The following ABCG2 variants were observed in gnomAD, a reference collection of about 807,000 sequenced individuals.
ABCG2 encodes the protein ATP binding cassette subfamily G member 2 (JR blood group), also known as broad substrate specificity ATP-binding cassette transporter ABCG2.
A neutral mutation model predicts 73.5 loss-of-function variants in ABCG2; 80 were observed. The ratio of observed to expected loss-of-function variants is 1.09; its 90% CI spans 0.91 to 1.31. The LOEUF (loss-of-function observed/expected upper bound fraction) is 1.31, where lower values mean the gene tolerates loss of function less well. Among genes scored for constraint, ABCG2 ranks in the 50% most tolerant of loss-of-function variants. ABCG2 has a pLI of 0.00. For missense variants in ABCG2, 796 were observed against 786.2 expected (o/e 1.01, Z -0.15); for synonymous variants, 269 against 282.4 (o/e 0.95, Z 0.48).
upstream of ABCG2, among the ~76,000 whole-genome samples, chr4:88,162,115 G>T (rs1314300606): frequency 6.6e-6 from 1 of 152,098 alleles, no homozygotes; most frequent in Non-Finnish European, 1.5e-5. Context: ...GGGGGGCTGA[G>T]GTGGAAGGAT....
chr4:88,170,070 C>T (rs964589785), intron 1 of ABCG2, among the ~76,000 whole-genome samples: 40 of 148,544 alleles, frequency 2.7e-4, no homozygotes, highest in African/African-American at 8.8e-4. Context: ...GAGATTGTGC[C>T]ACTGCACTCC....
At chr4:88,139,196 G>A (rs1725452491) in intron 2 of ABCG2, among the ~76,000 whole-genome samples, 1 of 150,476 alleles carries the variant, frequency 6.6e-6, no homozygotes, top group Admixed American at 6.6e-5. Flanking sequence ...AGTGCATCAA[G>A]TTACTCATCT....
At chr4:88,220,384 C>T (rs534177595) in intron 1 of ABCG2, among the ~76,000 whole-genome samples, 1 of 152,266 alleles carries the variant, frequency 6.6e-6, no homozygotes, top group East Asian at 1.9e-4. Context: ...GAGGAAGCAC[C>T]ATACTGTTCT....
chr4:88,131,619 A>T (rs1724881898), intron 4 of ABCG2, among the ~76,000 whole-genome samples, 184 bp downstream of exon 4: 1 of 152,238 alleles, frequency 6.6e-6, no homozygotes, highest in Admixed American at 6.5e-5. Flanking sequence ...TACAAGGGCC[A>T]TATTCCAGAT....
chr4:88,202,354 T>TTTTATATATATATATATATATATATA (rs1729209522), intron 1 of ABCG2, among the ~76,000 whole-genome samples: 10 of 62,080 alleles, frequency 1.6e-4, no homozygotes, highest in Non-Finnish European at 9.7e-5. Context: ...CTACAATTAT[T>TTTTATATATATATATATATATATATA]TATATATATA....
At chr4:88,134,001 A>C (rs981426938) in intron 2 of ABCG2, among the ~76,000 whole-genome samples, 20 of 151,714 alleles carry the variant, frequency 1.3e-4, no homozygotes, top group African/African-American at 4.6e-4. Flanking sequence ...CCGTCTCAGA[A>C]AAAAAAAAAG....
At chr4:88,195,088 G>A (rs1017524253) in intron 1 of ABCG2, among the ~76,000 whole-genome samples, 7 of 152,076 alleles carry the variant, frequency 4.6e-5, no homozygotes, top group South Asian at 4.2e-4. Context: ...ATATTTTACC[G>A]CCAGGCCTGG....
chr4:88,137,068 A>T (rs2929060), intron 2 of ABCG2, among the ~76,000 whole-genome samples: 1 of 150,868 alleles, frequency 6.6e-6, no homozygotes, highest in Non-Finnish European at 1.5e-5. Context: ...AATAAGAATG[A>T]GGAGATATAT....
At chr4:88,204,814 T>C (rs1729318323) in intron 1 of ABCG2, among the ~76,000 whole-genome samples, 2 of 152,244 alleles carry the variant, frequency 1.3e-5, no homozygotes, top group African/African-American at 4.8e-5. Flanking sequence ...GAAGGATTAA[T>C]TGTATTGTTT....
rs555129847 is a variant in ABCG2 at position 88,146,193 on chromosome 4, G to A, written c.-19-6179C>T. ...GGTCTTCAGTTTGCAACAACGTATC[G>A]CTGTTAGGTTTTCTTAAATGTTACT... is the stretch of plus-strand genomic sequence containing the variant. On this transcript the variant is annotated intron_variant, in intron 1 of 15. Coordinates refer to ENST00000237612, the MANE Select transcript of ABCG2 (RefSeq NM_004827.3). Among the ~76,000 whole-genome samples the A allele has an allele frequency of 7.9e-5, 12 of 152,152 alleles. No homozygotes were observed. The East Asian group carries it at 9.7e-4, about 12-fold the overall frequency.
At chr4:88,228,833 A>G (rs566412241) in intron 1 of ABCG2, among the ~76,000 whole-genome samples, 2 of 151,990 alleles carry the variant, frequency 1.3e-5, no homozygotes, top group Non-Finnish European at 2.9e-5. Context: ...AAACGCACCA[A>G]TCAGCGCTCT....
rs927458481 is a variant in ABCG2, at chr4:88,188,969, C to A, written c.-20+42025G>T. Among the ~76,000 whole-genome samples the A allele has an allele frequency of 1.4e-4, 22 of 151,774 alleles. No homozygotes were observed. The South Asian group carries it at 4.4e-3, about 30-fold the overall frequency. On this transcript the variant is annotated intron_variant, in intron 1 of 15. Transcript: ENST00000515655. ...CAGAGGCTGCAACGAGCCAAGATTG[C>A]GCCACTGGACTCCAGCCTGGGTGAC... is the stretch of plus-strand genomic sequence containing the variant.
intron 3 of ABCG2, 51 bp from the exon 4 acceptor site, chr4:88,131,968 T>C (rs1194086546): frequency 1.4e-6 from 2 of 1,397,890 alleles, no homozygotes; most frequent in African/African-American, 1.4e-5. Flanking sequence ...AGAGAATATA[T>C]ATGTTGTGGG....
intron 9 of ABCG2, among the ~76,000 whole-genome samples, chr4:88,110,367 A>C (rs11943824): frequency 6.6e-6 from 1 of 151,838 alleles, no homozygotes; most frequent in Non-Finnish European, 1.5e-5. Context: ...ACATGGTGCG[A>C]CCCTGTCTAT....
upstream of ABCG2, among the ~76,000 whole-genome samples, chr4:88,162,071 A>G (rs1013304091): frequency 1.3e-5 from 2 of 151,888 alleles, no homozygotes; most frequent in Non-Finnish European, 2.9e-5. Context: ...AATTAGCTGG[A>G]TGTGATGGCA....
intron 1 of ABCG2, among the ~76,000 whole-genome samples, chr4:88,207,895 G>A (rs1729442038): frequency 6.6e-6 from 1 of 152,062 alleles, no homozygotes; most frequent in African/African-American, 2.4e-5. Context: ...GGATATTTTT[G>A]TTGGCTGAAA....
chr4:88,214,026 C>T (rs1369827533), intron 1 of ABCG2, among the ~76,000 whole-genome samples: 3 of 127,854 alleles, frequency 2.3e-5, no homozygotes, highest in African/African-American at 5.8e-5. Flanking sequence ...CTCATTCTGT[C>T]GCCCAGGTTA....
chr4:88,099,171 A>G (rs967731460), intron 12 of ABCG2, among the ~76,000 whole-genome samples, 153 bp downstream of exon 12: 4 of 152,210 alleles, frequency 2.6e-5, no homozygotes, highest in Non-Finnish European at 5.9e-5. Flanking sequence ...ACAGTGAACA[A>G]CTGTTTCAGA....
intron 15 of ABCG2, 40 bp from the exon 16 acceptor site, chr4:88,092,421 C>A: frequency 6.3e-7 from 1 of 1,590,836 alleles, no homozygotes. Flanking sequence ...TCATTCCTAG[C>A]ATCCGTCAAA....
Sources: allele counts gnomAD v4.1 joint callset (sites outside exome capture counted in the v4.1 genomes callset), GRCh38; gene constraint gnomAD v4.1.1; transcripts MANE v1.5; gene names NCBI Gene and HGNC (gene_info 2026-07-23, HGNC 2026-07-21).